LINGO1: variants seen among roughly 807,000 people sequenced by gnomAD.
The protein encoded by LINGO1 is leucine rich repeat and Ig domain containing 1.
In LINGO1, 11 loss-of-function variants were observed where a neutral mutation model predicts 37.3. That is an observed-to-expected ratio of 0.29 (90% CI 0.19 to 0.49). LINGO1 has a LOEUF of 0.49. LINGO1 is among the 20% of genes least tolerant of loss of function. The pLI is 0.99. For missense variants in LINGO1, 585 were observed against 878.2 expected (o/e 0.67, Z 4.22); for synonymous variants, 387 against 403.0 (o/e 0.96, Z 0.48).
intron 2 of LINGO1, among the ~76,000 whole-genome samples, chr15:77,728,836 G>A (rs1168201745): frequency 1.3e-5 from 2 of 152,280 alleles, no homozygotes; most frequent in East Asian, 1.9e-4. Flanking sequence ...CTCATGGACT[G>A]TAGCGAGGAT....
At chr15:77,783,517 A>T (rs1002284641) in intron 1 of LINGO1, among the ~76,000 whole-genome samples, 1 of 152,230 alleles carries the variant, frequency 6.6e-6, no homozygotes, top group South Asian at 2.1e-4. Flanking sequence ...ATCTATAATC[A>T]GGGCCCTTTT....
rs192083871 is a variant in LINGO1 at position 77,708,817 on chromosome 15, G to A, written c.-194-17916C>T. Among the ~76,000 whole-genome samples, 81 of 152,346 alleles carry A rather than the reference G, an allele frequency of 5.3e-4. 1 individual carries two copies. The highest frequency in any genetic ancestry group is 1.9e-3 in the African/African-American group (77 of 41,580). On this transcript the variant is annotated intron_variant, in intron 2 of 3. Transcript: ENST00000561686. ...CTACTCGGGAGATTACTGGGTTCAA[G>A]GCAGAAGAATTGCTTGAACCCAGGA... is the stretch of plus-strand genomic sequence containing the variant.
Position 77,615,920 on chromosome 15 carries a change from C to A in LINGO1, c.7-20G>T. 1 of 1,454,650 alleles carries A rather than the reference C, an allele frequency of 6.9e-7. No homozygotes were observed. The highest frequency in any genetic ancestry group is 1.4e-5 in the South Asian group (1 of 69,552). The allele number at this position is 1,454,650 out of a possible 1,614,324, so 90.1% of individuals were successfully genotyped here. ...GCTCACCTGCAGCCGGGAGCAAGCACAGGACAGAGGTGGCGGTTAGGGGGC... is the reference window on the plus strand; with the variant it reads ...GCTCACCTGCAGCCGGGAGCAAGCAAAGGACAGAGGTGGCGGTTAGGGGGC... On this transcript the variant is annotated intron_variant, in intron 1 of 1. Transcript: ENST00000355300.
chr15:77,736,677 G>A (rs2076206897), intron 1 of LINGO1, among the ~76,000 whole-genome samples: 1 of 152,158 alleles, frequency 6.6e-6, no homozygotes, highest in Non-Finnish European at 1.5e-5. Flanking sequence ...AGGAGGCTGA[G>A]GCAGGAGGAT....
intron 1 of LINGO1, among the ~76,000 whole-genome samples, chr15:77,627,164 G>A (rs1272983032): frequency 6.6e-6 from 1 of 152,088 alleles, no homozygotes; most frequent in East Asian, 1.9e-4. Flanking sequence ...GGTTGGAGAC[G>A]AGGAACAATG....
chr15:77,768,277 G>A (rs202029406), intron 1 of LINGO1, among the ~76,000 whole-genome samples: 2 of 10,996 alleles, frequency 1.8e-4, no homozygotes, highest in African/African-American at 2.4e-4. Flanking sequence ...CAGGGTCCCC[G>A]GGCAGACAGG....
chr15:77,675,941 T>C (rs1403587472), intron 3 of LINGO1, among the ~76,000 whole-genome samples: 2 of 152,228 alleles, frequency 1.3e-5, no homozygotes, highest in Non-Finnish European at 2.9e-5. Flanking sequence ...AGCAATTTTC[T>C]ATTCCTGGTT....
In LINGO1 at chr15:77,668,454, A is replaced by G. The variant is rs1161272830; in HGVS notation, c.-13+8635T>C. ...CTAAAACCTGCATGTAATGCCAGTC[A>G]CAGGCTGAACTGTCACGCAGGGCAG... On this transcript the variant is annotated intron_variant, in intron 3 of 3. Transcript: ENST00000559893. Among the ~76,000 whole-genome samples the G allele has an allele frequency of 2.0e-5, 3 of 152,316 alleles. No individual in the cohort carries two copies. The East Asian group carries it at 5.8e-4, about 29-fold the overall frequency.
intron 1 of LINGO1, among the ~76,000 whole-genome samples, chr15:77,626,978 C>T (rs1596005610): frequency 1.5e-5 from 2 of 134,770 alleles, no homozygotes; most frequent in African/African-American, 7.0e-5. Context: ...CCATCCGCAG[C>T]CCTGCACTGG....
At chr15:77,741,880 A>G (rs1350850238) in intron 1 of LINGO1, among the ~76,000 whole-genome samples, 1 of 152,188 alleles carries the variant, frequency 6.6e-6, no homozygotes, top group African/African-American at 2.4e-5. Context: ...AAGACTTCCC[A>G]AGACCTCAGC....
intron 3 of LINGO1, chr15:77,648,908 A>G (rs1435896048): frequency 5.9e-5 from 9 of 152,318 alleles, no homozygotes; most frequent in African/African-American, 2.2e-4. Flanking sequence ...GACAACAGGA[A>G]CCCAGGCCTT....
chr15:77,775,316 A>T (rs2076626234), intron 1 of LINGO1, among the ~76,000 whole-genome samples: 1 of 152,092 alleles, frequency 6.6e-6, no homozygotes, highest in Non-Finnish European at 1.5e-5. Flanking sequence ...GTGGGTGCCC[A>T]CTGCAGGCCC....
At chr15:77,803,691 T>G (rs1381657901) in intron 1 of LINGO1, among the ~76,000 whole-genome samples, 1 of 151,920 alleles carries the variant, frequency 6.6e-6, no homozygotes, top group Non-Finnish European at 1.5e-5. Flanking sequence ...CGTTTGAAAG[T>G]GTGTGGCACT....
At chr15:77,717,841 AGCCCAGCCAGGCTGGAC>A (rs2076003341) in intron 2 of LINGO1, among the ~76,000 whole-genome samples, 1 of 150,870 alleles carries the variant, frequency 6.6e-6, no homozygotes, top group Non-Finnish European at 1.5e-5. Context: ...GGAAAGGCCC[AGCCCAGCCAGGCTGGAC>A]CTCAGAGGGG....
intron 1 of LINGO1, among the ~76,000 whole-genome samples, chr15:77,813,497 C>T (rs907413800): frequency 6.6e-6 from 1 of 152,136 alleles, no homozygotes; most frequent in African/African-American, 2.4e-5. Context: ...GAGAGCATGA[C>T]AGCCAGCCTG....
intron 3 of LINGO1, among the ~76,000 whole-genome samples, chr15:77,662,495 A>G (rs1596068103): frequency 6.6e-6 from 1 of 151,706 alleles, no homozygotes; most frequent in African/African-American, 2.4e-5. Context: ...CAAAGCCAAT[A>G]CCCTCCACCC....
At chr15:77,785,564 G>C (rs1444977208) in intron 1 of LINGO1, among the ~76,000 whole-genome samples, 2 of 152,064 alleles carry the variant, frequency 1.3e-5, no homozygotes, top group Non-Finnish European at 2.9e-5. Context: ...CCCAACTCCT[G>C]GTCCTCTACC....
At position 77,802,723 on chromosome 15, in the gene LINGO1, G is replaced by A. The variant is rs2076929720; in HGVS notation, c.-457-6670C>T. On this transcript the variant is annotated intron_variant, in intron 1 of 5. Coordinates refer to the LINGO1 transcript ENST00000562933. ...GAGTGGTGAATGACACTCTCTACCTGGGTCTGAGCCGCAACTAACACAACT... is the reference window on the plus strand; with the variant it reads ...GAGTGGTGAATGACACTCTCTACCTAGGTCTGAGCCGCAACTAACACAACT... 2.0e-5 allele frequency among the ~76,000 whole-genome samples: 3 copies of A among 152,062 alleles called. No homozygotes were observed. In the South Asian group the frequency reaches 6.2e-4, roughly 32 times the overall value.
chr15:77,704,227 T>G (rs370136805), intron 2 of LINGO1, among the ~76,000 whole-genome samples: 3 of 152,132 alleles, frequency 2.0e-5, no homozygotes, highest in Admixed American at 6.5e-5. Context: ...TCTTGAGCAC[T>G]TGACTAACAG....
Sources: gnomAD v4.1 joint callset for allele counts (sites outside exome capture counted in the v4.1 genomes callset) on GRCh38, gnomAD v4.1.1 for gene constraint, MANE v1.5 for transcripts, NCBI Gene and HGNC (gene_info 2026-07-23, HGNC 2026-07-21) for gene names.